Variants in SYNRG observed in about 807,000 individuals in gnomAD.
The protein encoded by SYNRG is synergin gamma.
In SYNRG, 37 loss-of-function variants were observed where a neutral mutation model predicts 130.9. That is an observed-to-expected ratio of 0.28 (90% CI 0.22 to 0.37). The LOEUF is 0.37. SYNRG is among the 10% of genes least tolerant of loss of function. SYNRG has a pLI of 1.00. For missense variants in SYNRG, 1,338 were observed against 1,588.9 expected (o/e 0.84, Z 2.68); for synonymous variants, 539 against 568.1 (o/e 0.95, Z 0.73).
At chr17:37,574,433 C>T (rs1012342901) in intron 8 of SYNRG, among the ~76,000 whole-genome samples, 2 of 152,086 alleles carry the variant, frequency 1.3e-5, no homozygotes, top group Admixed American at 1.3e-4. Flanking sequence ...AAAGCTTTTG[C>T]ACTGCAAAGG....
At chr17:37,528,060 A>G (rs2056167998) in intron 19 of SYNRG, among the ~76,000 whole-genome samples, 1 of 152,244 alleles carries the variant, frequency 6.6e-6, no homozygotes, top group Non-Finnish European at 1.5e-5. Flanking sequence ...TGGAAGTAAC[A>G]TAGAGTAGGA....
Position 37,517,040 on chromosome 17 carries a change from C to T in SYNRG, c.*1900G>A, listed in dbSNP as rs1057467359. 1.3e-5 allele frequency: 2 copies of T among 152,160 alleles called. No homozygotes were observed. The highest frequency in any genetic ancestry group is 4.8e-5 in the African/African-American group (2 of 41,400). The allele number at this position is 152,160 out of a possible 1,614,324, so 9.4% of individuals were successfully genotyped here. The stretch of plus-strand genomic sequence containing the variant: ...TTCAAGCCTGGCCAACATGGAGAAA[C>T]CTTGCCTCTACTAAAAATACAAAAT... On this transcript the variant is annotated 3_prime_UTR_variant, in exon 22 of 22. Coordinates refer to ENST00000612223, the MANE Select transcript of SYNRG (RefSeq NM_007247.6).
At chr17:37,601,894 G>A (rs531182894) in intron 1 of SYNRG, among the ~76,000 whole-genome samples, 2 of 152,032 alleles carry the variant, frequency 1.3e-5, no homozygotes, top group African/African-American at 4.8e-5. Flanking sequence ...TGAACTCCTG[G>A]CCTCATGATC....
Position 37,553,842 on chromosome 17 carries a change from G to A in SYNRG, c.1881C>T (p.Ser627=), listed in dbSNP as rs777206108. The A allele has an allele frequency of 6.8e-6, 11 of 1,612,766 alleles. No homozygotes were observed. The highest frequency in any genetic ancestry group is 1.1e-5 in the South Asian group (1 of 90,716). Residue 627 remains serine, a synonymous_variant, in exon 14 of 22, where the codon AGC becomes AGT. Coordinates refer to ENST00000612223, the MANE Select transcript of SYNRG (RefSeq NM_007247.6). ...CAGCTGAAAAAGACAATGGTTTCTC[G>A]CTGCTGCAATTAACTGAGGAAAACA... ...LDMFSSVNCS[S]EKPLSFSAVF... is the part of the protein sequence containing the mutation.
rs557630783 is a variant in SYNRG at position 37,586,164 on chromosome 17, TTG to T, written c.371+253_371+254del. On this transcript the variant is annotated intron_variant, in intron 4 of 21. Transcript: ENST00000612223. ...TGAGCCACCAAGCCTGGCTAATATT[TTG>T]TATTTTTTGTAGAGACAGGGTTTTA... is the stretch of plus-strand genomic sequence containing the variant. Among the ~76,000 whole-genome samples the T allele has an allele frequency of 6.8e-4, 103 of 152,144 alleles. No homozygotes were observed. The East Asian group carries it at 0.014, about 21-fold the overall frequency.
chr17:37,563,904 G>A (rs1414771995), intron 11 of SYNRG, among the ~76,000 whole-genome samples: 3 of 151,370 alleles, frequency 2.0e-5, no homozygotes, highest in African/African-American at 7.3e-5. Context: ...GAGTGCAGTG[G>A]CGTGATCTTG....
chr17:37,527,908 C>T (rs746232609), intron 19 of SYNRG, among the ~76,000 whole-genome samples: 4 of 152,152 alleles, frequency 2.6e-5, no homozygotes, highest in Non-Finnish European at 5.9e-5. Context: ...ACCCTGCCTT[C>T]CTTAGCCCAA....
chr17:37,561,140 C>T (rs1271951043), intron 13 of SYNRG, 55 bp downstream of exon 13: 3 of 1,473,322 alleles, frequency 2.0e-6, no homozygotes, highest in African/African-American at 2.8e-5. Flanking sequence ...CATCGAAAAC[C>T]CCTTTTTTAT....
intron 1 of SYNRG, among the ~76,000 whole-genome samples, chr17:37,602,054 G>A (rs1241365853): frequency 6.6e-6 from 1 of 152,070 alleles, no homozygotes; most frequent in East Asian, 1.9e-4. Flanking sequence ...GTTAAGCTCT[G>A]GCCAGGCGCA....
At chr17:37,529,642 A>C (rs527942178) in intron 19 of SYNRG, 1 of 722,278 alleles carries the variant, frequency 1.4e-6, no homozygotes, top group South Asian at 2.1e-5. Flanking sequence ...GAAAAGGTAC[A>C]AAAATGAAAC....
intron 5 of SYNRG, 35 bp downstream of exon 5, chr17:37,585,290 T>G: frequency 6.6e-7 from 1 of 1,522,486 alleles, no homozygotes; most frequent in Non-Finnish European, 9.1e-7. Context: ...TCAGGGTGTG[T>G]ATGTTCTGGG....
At chr17:37,536,323 C>T in intron 18 of SYNRG, 196 bp from the exon 19 acceptor site, 1 of 663,414 alleles carries the variant, frequency 1.5e-6, no homozygotes, top group South Asian at 2.5e-5. Flanking sequence ...AGAAGCTGCA[C>T]TGCTTGGGTT....
chr17:37,546,368 C>T (rs1342684962), intron 14 of SYNRG, among the ~76,000 whole-genome samples: 1 of 152,208 alleles, frequency 6.6e-6, no homozygotes, highest in Non-Finnish European at 1.5e-5. Flanking sequence ...CTGTGCTAGG[C>T]TGACTGCATT....
chr17:37,598,233 T>C (rs547274425), intron 2 of SYNRG, among the ~76,000 whole-genome samples: 2 of 152,260 alleles, frequency 1.3e-5, no homozygotes, highest in South Asian at 4.1e-4. Context: ...CAAGGGGGAA[T>C]GGAGTGGTTG....
chr17:37,540,520 G>A lies in SYNRG; in HGVS notation c.3226C>T (p.Leu1076Phe), dbSNP rs1206004399. Residue 1076 changes from leucine to phenylalanine, a missense_variant, in exon 16 of 22, where the codon CTT (leucine) becomes TTT (phenylalanine). By Grantham distance (22) the Leu-to-Phe change is conservative (BLOSUM62 0). Coordinates refer to ENST00000612223, the MANE Select transcript of SYNRG (RefSeq NM_007247.6). ...VQGSHKRSLS[L>F]GDKEISRSSP... ...GAACGGCTTATTTCTTTATCACCAA[G>A]GCTCAAACTCCTCTTGTGTGATCCT... 1.2e-6 allele frequency: 2 copies of A among 1,613,842 alleles called. No homozygotes were observed. Among genetic ancestry groups the A allele is most frequent in the Non-Finnish European group, 1.7e-6 (2 of 1,180,008 alleles).
In SYNRG at chr17:37,573,293, C is replaced by G. The variant is rs141122794; in HGVS notation, c.902-1306G>C. Among the ~76,000 whole-genome samples the G allele has an allele frequency of 7.7e-3, 1,171 of 152,216 alleles. 18 individuals carry two copies. The highest frequency in any genetic ancestry group is 0.026 in the African/African-American group (1,080 of 41,528). On this transcript the variant is annotated intron_variant, in intron 8 of 21. Transcript: ENST00000612223. ...TGGTGCACGCCTGTAGCCCCAGCTACTCAGGAGGCTGAGGCAGGAGAACTG... is the reference window on the plus strand; with the variant it reads ...TGGTGCACGCCTGTAGCCCCAGCTAGTCAGGAGGCTGAGGCAGGAGAACTG...
chr17:37,545,030 A>AC (rs2058146543), intron 14 of SYNRG, among the ~76,000 whole-genome samples: 1 of 151,434 alleles, frequency 6.6e-6, no homozygotes, highest in Non-Finnish European at 1.5e-5. Flanking sequence ...GACCAGCCTG[A>AC]CCAACATGGA....
At position 37,580,478 on chromosome 17, in the gene SYNRG, C is replaced by CGTGTGTGTGTGTGTGTGT. The variant is rs1341679385; in HGVS notation, c.590-2883_590-2866dup. 3.7e-3 allele frequency among the ~76,000 whole-genome samples: 453 copies of CGTGTGTGTGTGTGTGTGT among 121,960 alleles called. 6 individuals are homozygous for CGTGTGTGTGTGTGTGTGT. Among genetic ancestry groups the CGTGTGTGTGTGTGTGTGT allele is most frequent in the African/African-American group, 0.014 (397 of 29,402 alleles). 80.0% of individuals were successfully genotyped at this position (121,960 alleles called of 152,430 possible). A position where few individuals can be genotyped will look rare whatever the true frequency, so the allele number is the denominator to read the frequency against. On this transcript the variant is annotated intron_variant, in intron 6 of 21. Coordinates refer to ENST00000612223, the MANE Select transcript of SYNRG (RefSeq NM_007247.6). ...CCATGCCCAGTTAATCTTTGTATTTCGTGTGTGTGTGTGTGTGTGTGTGTG... is the reference window on the plus strand; with the variant it reads ...CCATGCCCAGTTAATCTTTGTATTTCGTGTGTGTGTGTGTGTGTGTGTGTGTGTGTGTGTGTGTGTGTG...
chr17:37,597,557 A>G, intron 2 of SYNRG, among the ~76,000 whole-genome samples: 2 of 152,338 alleles, frequency 1.3e-5, no homozygotes, highest in South Asian at 4.1e-4. Flanking sequence ...ACTATGCTCA[A>G]AGAAATGTTA....
Sources: gnomAD v4.1 joint callset for allele counts (sites outside exome capture counted in the v4.1 genomes callset) on GRCh38, gnomAD v4.1.1 for gene constraint, MANE v1.5 for transcripts, NCBI Gene and HGNC (gene_info 2026-07-23, HGNC 2026-07-21) for gene names.